Variants in SAMTOR observed in about 807,000 individuals in gnomAD.
The protein encoded by SAMTOR is UPF0532 protein C7orf60.
the SAMTOR span, chr7:112,939,642 A>C: frequency 1.2e-6 from 2 of 1,613,714 alleles, no homozygotes; most frequent in African/African-American, 1.3e-5. Context: ...ACCACACCGG[A>C]GAGCTTCTCC....
At chr7:112,880,576 A>C in the SAMTOR span, among the ~76,000 whole-genome samples, 1 of 152,194 alleles carries the variant, frequency 6.6e-6, no homozygotes, top group Non-Finnish European at 1.5e-5. Flanking sequence ...CTTTCTGCAT[A>C]AATAGCTTTA....
At chr7:112,898,149 G>C in the SAMTOR span, among the ~76,000 whole-genome samples, 4 of 152,198 alleles carry the variant, frequency 2.6e-5, no homozygotes, top group Non-Finnish European at 5.9e-5. Flanking sequence ...TGCTGCCCTA[G>C]TGGGAGGAAT....
At chr7:112,924,480 G>T in the SAMTOR span, among the ~76,000 whole-genome samples, 4 of 152,160 alleles carry the variant, frequency 2.6e-5, no homozygotes, top group Non-Finnish European at 5.9e-5. Flanking sequence ...AGAAAGAAGA[G>T]TAAGGATACA....
At chr7:112,933,423 A>G in the SAMTOR span, among the ~76,000 whole-genome samples, 1,621 of 152,366 alleles carry the variant, frequency 0.011, 30 homozygotes, top group African/African-American at 0.037. Context: ...AGAAATTTAA[A>G]GACAACTTCT....
At chr7:112,928,915 T>G in the SAMTOR span, among the ~76,000 whole-genome samples, 2 of 151,874 alleles carry the variant, frequency 1.3e-5, no homozygotes, top group East Asian at 3.9e-4. Context: ...TTCGAAAAAT[T>G]TATTAGCTCA....
chr7:112,897,502 T>C, the SAMTOR span, among the ~76,000 whole-genome samples: 4 of 152,172 alleles, frequency 2.6e-5, no homozygotes, highest in African/African-American at 7.2e-5. Flanking sequence ...CTTAAAGGGC[T>C]AAAATTCTAG....
At chr7:112,825,527 T>C in the SAMTOR span, among the ~76,000 whole-genome samples, 18 of 152,244 alleles carry the variant, frequency 1.2e-4, no homozygotes, top group Non-Finnish European at 1.9e-4. Context: ...TTTCTGTATA[T>C]TGATCTTGTC....
At chr7:112,872,012 G>A in the SAMTOR span, among the ~76,000 whole-genome samples, 4 of 152,104 alleles carry the variant, frequency 2.6e-5, no homozygotes, top group Non-Finnish European at 2.9e-5. Context: ...ATCCAGACCA[G>A]AGGAATTCAT....
the SAMTOR span, among the ~76,000 whole-genome samples, chr7:112,921,254 G>A: frequency 4.6e-5 from 7 of 152,114 alleles, no homozygotes; most frequent in Non-Finnish European, 1.0e-4. Context: ...CAGAGATATA[G>A]ATCAATGGAA....
the SAMTOR span, among the ~76,000 whole-genome samples, chr7:112,872,876 G>A: frequency 6.6e-6 from 1 of 151,276 alleles, no homozygotes; most frequent in African/African-American, 2.4e-5. Flanking sequence ...TTCTACACCA[G>A]TAACACTCAA....
the SAMTOR span, among the ~76,000 whole-genome samples, chr7:112,890,709 C>T: frequency 6.7e-6 from 1 of 148,758 alleles, no homozygotes; most frequent in African/African-American, 2.5e-5. Context: ...TTTTTTAAGA[C>T]AGGGTATCAC....
chr7:112,850,066 T>G, the SAMTOR span, among the ~76,000 whole-genome samples: 2 of 151,772 alleles, frequency 1.3e-5, no homozygotes, highest in Non-Finnish European at 2.9e-5. Flanking sequence ...ATTAGCCGGG[T>G]GTGGTGGTGC....
At chr7:112,858,583 A>G in the SAMTOR span, among the ~76,000 whole-genome samples, 2 of 152,144 alleles carry the variant, frequency 1.3e-5, no homozygotes, top group African/African-American at 4.8e-5. Context: ...TTTTCCAGTT[A>G]GCAAAGATAA....
the SAMTOR span, among the ~76,000 whole-genome samples, chr7:112,910,815 T>A: frequency 3.3e-5 from 5 of 152,148 alleles, no homozygotes; most frequent in East Asian, 5.8e-4. Context: ...GAGAAAACAA[T>A]CAGATAATCC....
At chr7:112,887,716 A>G in the SAMTOR span, among the ~76,000 whole-genome samples, 3 of 152,176 alleles carry the variant, frequency 2.0e-5, no homozygotes, top group Non-Finnish European at 4.4e-5. Context: ...CCAAGTTATC[A>G]AATATGTAGT....
chr7:112,921,072 C>T, the SAMTOR span, among the ~76,000 whole-genome samples: 14 of 151,994 alleles, frequency 9.2e-5, no homozygotes, highest in East Asian at 2.1e-3. Context: ...CCAATGACTT[C>T]CTTCACAGAA....
the SAMTOR span, among the ~76,000 whole-genome samples, chr7:112,883,213 T>G: frequency 2.6e-5 from 4 of 152,174 alleles, no homozygotes; most frequent in Non-Finnish European, 5.9e-5. Flanking sequence ...CTCCTTCCCC[T>G]CTTCCTTTTT....
chr7:112,824,261 G>T, the SAMTOR span, among the ~76,000 whole-genome samples: 2 of 152,024 alleles, frequency 1.3e-5, no homozygotes, highest in Admixed American at 6.6e-5. Flanking sequence ...CTATCCCAAG[G>T]TCATAAAGAC....
chr7:112,925,663 G>A, the SAMTOR span, among the ~76,000 whole-genome samples: 15 of 151,968 alleles, frequency 9.9e-5, no homozygotes, highest in African/African-American at 2.9e-4. Context: ...GTGTGGTGGC[G>A]CATGCCTGTA....
Sources: allele counts gnomAD v4.1 joint callset (sites outside exome capture counted in the v4.1 genomes callset), GRCh38; gene constraint gnomAD v4.1.1; transcripts MANE v1.5; gene names NCBI Gene and HGNC (gene_info 2026-07-23, HGNC 2026-07-21).